Variants in STT3B observed in about 807,000 individuals in gnomAD.
The protein encoded by STT3B is dolichyl-diphosphooligosaccharide--protein glycosyltransferase subunit STT3B.
In STT3B, 29 loss-of-function variants were observed where a neutral mutation model predicts 96.8. The observed-to-expected ratio is 0.30, with a 90% CI of 0.22 to 0.41. STT3B has a LOEUF of 0.41. Among genes scored for constraint, STT3B ranks in the 10% least tolerant of loss-of-function variants. STT3B has a pLI of 1.00. For synonymous variants in STT3B, 367 were observed against 360.0 expected, an observed-to-expected ratio of 1.02 and a Z score of -0.22; for missense variants, 640 against 1,022.3, an observed-to-expected ratio of 0.63 and a Z score of 5.10.
At chr3:31,543,815 TTGAG>T (rs1437924664) in intron 1 of STT3B, among the ~76,000 whole-genome samples, 1 of 152,222 alleles carries the variant, frequency 6.6e-6, no homozygotes, top group Non-Finnish European at 1.5e-5. Context: ...TTTTAGTTTC[TTGAG>T]TATTTCTTCC....
intron 1 of STT3B, among the ~76,000 whole-genome samples, chr3:31,548,988 T>C (rs1260898852): frequency 6.6e-6 from 1 of 152,200 alleles, no homozygotes; most frequent in African/African-American, 2.4e-5. Context: ...TAACTGTTAA[T>C]TTTATTTAAT....
chr3:31,583,653 A>C (rs1698465538), intron 3 of STT3B, among the ~76,000 whole-genome samples: 1 of 152,180 alleles, frequency 6.6e-6, no homozygotes. Flanking sequence ...TAGTTGGATC[A>C]TGTGTTTATT....
chr3:31,623,626 G>A, intron 10 of STT3B, 48 bp from the exon 11 acceptor site: 2 of 1,425,912 alleles, frequency 1.4e-6, no homozygotes, highest in Non-Finnish European at 1.9e-6. Context: ...TCTTAATGAA[G>A]CAAGTCAAAT....
At chr3:31,567,721 G>T (rs1383293935) in intron 1 of STT3B, among the ~76,000 whole-genome samples, 1 of 151,932 alleles carries the variant, frequency 6.6e-6, no homozygotes, top group Non-Finnish European at 1.5e-5. Context: ...ATAATTATGG[G>T]TACATAATAG....
At chr3:31,561,038 G>A (rs1697865493) in intron 1 of STT3B, among the ~76,000 whole-genome samples, 1 of 151,774 alleles carries the variant, frequency 6.6e-6, no homozygotes, top group African/African-American at 2.4e-5. Flanking sequence ...GTCATTGAAG[G>A]TTTCATATAT....
At chr3:31,578,567 T>C (rs569422594) in intron 2 of STT3B, among the ~76,000 whole-genome samples, 240 of 151,812 alleles carry the variant, frequency 1.6e-3, no homozygotes, top group African/African-American at 3.8e-3. Flanking sequence ...TGTTTTTTTT[T>C]CCCCCCCAGT....
At chr3:31,607,479 G>A (rs934011194) in intron 5 of STT3B, among the ~76,000 whole-genome samples, 1 of 152,076 alleles carries the variant, frequency 6.6e-6, no homozygotes, top group Non-Finnish European at 1.5e-5. Context: ...AGATCTGATG[G>A]TTTTGTAAGG....
chr3:31,582,611 A>T (rs1284032735), intron 3 of STT3B, among the ~76,000 whole-genome samples: 1 of 151,420 alleles, frequency 6.6e-6, no homozygotes, highest in East Asian at 1.9e-4. Flanking sequence ...TTCTTTTTCT[A>T]GTTCACAACG....
chr3:31,556,496 A>G (rs924402414), intron 1 of STT3B, among the ~76,000 whole-genome samples: 21 of 152,140 alleles, frequency 1.4e-4, no homozygotes, highest in Non-Finnish European at 2.9e-4. Flanking sequence ...CCAAGTGGCC[A>G]TATAATTTAT....
At chr3:31,580,620 T>C (rs1190220340) in intron 3 of STT3B, among the ~76,000 whole-genome samples, 1 of 152,204 alleles carries the variant, frequency 6.6e-6, no homozygotes, top group Non-Finnish European at 1.5e-5. Context: ...TTTGTGTGTG[T>C]CAATATGTTT....
chr3:31,627,655 C>G (rs1429337328), intron 13 of STT3B, among the ~76,000 whole-genome samples: 1 of 152,142 alleles, frequency 6.6e-6, no homozygotes, highest in Non-Finnish European at 1.5e-5. Context: ...ATTTCCTGGT[C>G]AAATGTCAAT....
intron 1 of STT3B, among the ~76,000 whole-genome samples, chr3:31,563,188 T>C (rs899263061): frequency 6.6e-6 from 1 of 152,210 alleles, no homozygotes; most frequent in Non-Finnish European, 1.5e-5. Context: ...TACTCGCTAT[T>C]GTGGTTCCTC....
intron 3 of STT3B, among the ~76,000 whole-genome samples, chr3:31,581,996 A>G (rs1232670987): frequency 6.6e-6 from 1 of 152,080 alleles, no homozygotes; most frequent in Non-Finnish European, 1.5e-5. Flanking sequence ...ACTTGATAAT[A>G]CTCTCTTAAA....
chr3:31,613,880 A>AT (rs1284831082), intron 5 of STT3B, among the ~76,000 whole-genome samples: 1 of 151,982 alleles, frequency 6.6e-6, no homozygotes, highest in Non-Finnish European at 1.5e-5. Context: ...CTGATGGATT[A>AT]TGTCTGTTGT....
intron 1 of STT3B, among the ~76,000 whole-genome samples, chr3:31,542,482 G>T (rs1047437241): frequency 1.3e-5 from 2 of 152,140 alleles, no homozygotes; most frequent in African/African-American, 2.4e-5. Flanking sequence ...CTTTGTTGAA[G>T]AAAAATTTAA....
intron 3 of STT3B, among the ~76,000 whole-genome samples, chr3:31,586,041 A>G (rs1467383965): frequency 6.6e-6 from 1 of 152,084 alleles, no homozygotes; most frequent in East Asian, 1.9e-4. Flanking sequence ...CAGTTTGCCA[A>G]AGTTGCTGTA....
intron 1 of STT3B, among the ~76,000 whole-genome samples, chr3:31,564,443 G>GT (rs1559367384): frequency 6.6e-6 from 1 of 152,200 alleles, no homozygotes; most frequent in Non-Finnish European, 1.5e-5. Flanking sequence ...CTAACCTTGA[G>GT]TAAGAGCAGG....
At chr3:31,588,790 C>T (rs991885153) in intron 3 of STT3B, among the ~76,000 whole-genome samples, 1 of 151,848 alleles carries the variant, frequency 6.6e-6, no homozygotes, top group Admixed American at 6.6e-5. Context: ...CTATGTATTG[C>T]CTTTTGTCAA....
intron 3 of STT3B, among the ~76,000 whole-genome samples, chr3:31,582,131 A>G (rs568152545): frequency 6.6e-5 from 10 of 152,092 alleles, no homozygotes. Context: ...TTTTTAAAGA[A>G]CCAACTTTTG....
Sources: gnomAD v4.1 joint callset for allele counts (sites outside exome capture counted in the v4.1 genomes callset) on GRCh38, gnomAD v4.1.1 for gene constraint, MANE v1.5 for transcripts, NCBI Gene and HGNC (gene_info 2026-07-23, HGNC 2026-07-21) for gene names.